The following SPACA7 variants were observed in gnomAD, a reference collection of about 807,000 sequenced individuals.
SPACA7 encodes sperm acrosome-associated protein 7.
SPACA7 carries 19 observed loss-of-function variants against 26.3 expected under a neutral mutation model. The observed-to-expected ratio is 0.72, with a 90% CI of 0.50 to 1.06. The LOEUF (loss-of-function observed/expected upper bound fraction) is 1.06. SPACA7 is among the 50% of genes least tolerant of loss of function. SPACA7 has a pLI of 0.00. For missense variants in SPACA7, 211 were observed against 229.9 expected (o/e 0.92, Z 0.53); for synonymous variants, 84 against 84.5 (o/e 0.99, Z 0.04).
At chr13:112,411,407 A>G (rs187551637) in intron 5 of SPACA7, among the ~76,000 whole-genome samples, 2 of 152,266 alleles carry the variant, frequency 1.3e-5, no homozygotes, top group Admixed American at 6.5e-5. Flanking sequence ...TGAGATGTCC[A>G]CCACCTCAAT....
rs1057480190 is a variant in SPACA7, at chr13:112,434,654, C to A, written c.*105C>A. ...TGTGCACACGCCCACGTTCTCTGAACCATTCCACATAAAGGAAAATCGTTT... is the reference window on the plus strand; with the variant it reads ...TGTGCACACGCCCACGTTCTCTGAAACATTCCACATAAAGGAAAATCGTTT... On this transcript the variant is annotated 3_prime_UTR_variant, in exon 7 of 7. Coordinates refer to ENST00000283550, the MANE Select transcript of SPACA7 (RefSeq NM_145248.5). 4.5e-6 allele frequency: 4 copies of A among 888,494 alleles called. No homozygotes were observed. In the African/African-American group the frequency reaches 5.0e-5, roughly 11 times the overall value. 55.0% of individuals were successfully genotyped at this position (888,494 alleles called of 1,614,324 possible).
In SPACA7 at chr13:112,434,505, C is replaced by T. The variant is rs761340064; in HGVS notation, c.544C>T (p.Gln182Ter). 6.2e-7 allele frequency: 1 copy of T among 1,610,586 alleles called. No individual in the cohort carries two copies. The highest frequency in any genetic ancestry group is 2.2e-5 in the East Asian group (1 of 44,756). The part of the protein sequence containing the change: ...RSSGNIFHKE[Q>*]QRTSAQRRSQ... Reference sequence around the variant, plus strand: ...CACAGGAAACATTTTCCATAAAGAGCAGCAGAGGACCAGCGCACAGAGGAG... The same window carrying T: ...CACAGGAAACATTTTCCATAAAGAGTAGCAGAGGACCAGCGCACAGAGGAG... Residue 182 changes from glutamine to a stop codon, truncating the protein, a stop_gained, in exon 7 of 7, where the codon CAG becomes TAG. Coordinates refer to ENST00000283550, the MANE Select transcript of SPACA7 (RefSeq NM_145248.5). LOFTEE classifies it low-confidence loss of function (END_TRUNC).
intron 4 of SPACA7, among the ~76,000 whole-genome samples, chr13:112,399,611 T>C (rs1174014913): frequency 6.6e-6 from 1 of 152,020 alleles, no homozygotes; most frequent in Non-Finnish European, 1.5e-5. Flanking sequence ...GGGAAAAAAA[T>C]CAGTGTGCAA....
chr13:112,421,730 C>T (rs1876002122), intron 5 of SPACA7, among the ~76,000 whole-genome samples: 1 of 152,050 alleles, frequency 6.6e-6, no homozygotes, highest in African/African-American at 2.4e-5. Flanking sequence ...CATTGAGAGA[C>T]TGGATAAAGA....
chr13:112,410,021 G>A (rs1410833148), intron 5 of SPACA7, among the ~76,000 whole-genome samples: 1 of 152,114 alleles, frequency 6.6e-6, no homozygotes, highest in Non-Finnish European at 1.5e-5. Context: ...ATACACCATG[G>A]AATACTATGC....
intron 5 of SPACA7, among the ~76,000 whole-genome samples, chr13:112,402,240 G>A (rs1006351110): frequency 6.6e-6 from 1 of 152,112 alleles, no homozygotes; most frequent in African/African-American, 2.4e-5. Flanking sequence ...AGTCTTCCTT[G>A]TATAGGTGTT....
intron 5 of SPACA7, among the ~76,000 whole-genome samples, chr13:112,431,563 C>T (rs9577752): frequency 0.056 from 8,528 of 152,160 alleles, 521 homozygotes; most frequent in East Asian, 0.27. Flanking sequence ...GCTAGGTGCT[C>T]GGCAGATATA....
intron 2 of SPACA7, among the ~76,000 whole-genome samples, chr13:112,393,815 G>A (rs372169189): frequency 1.3e-5 from 2 of 152,030 alleles, no homozygotes; most frequent in African/African-American, 4.8e-5. Flanking sequence ...GTGAAACCCC[G>A]CCTCTACTAA....
chr13:112,410,824 C>T (rs796289539), intron 5 of SPACA7, among the ~76,000 whole-genome samples: 29 of 152,260 alleles, frequency 1.9e-4, no homozygotes, highest in African/African-American at 7.0e-4. Flanking sequence ...TAACTGAAAG[C>T]AGGGTTTTGA....
At position 112,382,392 on chromosome 13, in the gene SPACA7, C is replaced by G. The variant is rs560664470; in HGVS notation, c.94+5913C>G. 62 of 1,539,714 alleles carry G rather than the reference C, an allele frequency of 4.0e-5. No individual in the cohort carries two copies. The African/African-American group carries it at 6.9e-4, about 17-fold the overall frequency. The stretch of plus-strand genomic sequence containing the variant: ...GGACTACAGGCATGAGCCACCGTGC[C>G]TGGCCAATAACACCTTAATCTTCAG... On this transcript the variant is annotated intron_variant, in intron 1 of 6. Coordinates refer to ENST00000283550, the MANE Select transcript of SPACA7 (RefSeq NM_145248.5).
chr13:112,424,293 G>A (rs368360329), intron 5 of SPACA7, among the ~76,000 whole-genome samples: 9 of 152,182 alleles, frequency 5.9e-5, no homozygotes, highest in Admixed American at 1.3e-4. Context: ...TGTCACTGCC[G>A]TCATTTCAAT....
intron 1 of SPACA7, among the ~76,000 whole-genome samples, chr13:112,379,202 A>G (rs1216008971): frequency 6.6e-6 from 1 of 152,202 alleles, no homozygotes; most frequent in Non-Finnish European, 1.5e-5. Flanking sequence ...AAATCCGTCA[A>G]TGTCTCCCTG....
chr13:112,399,109 T>G lies in SPACA7; in HGVS notation c.285T>G (p.Asn95Lys). Residue 95 changes from asparagine (N) to lysine (K), a missense_variant, in exon 4 of 7, where the codon AAT (asparagine) becomes AAG (lysine). Transcript: ENST00000283550. ...DENYQAGGSENYHELLENLQF... is the reference protein window; with the variant it reads ...DENYQAGGSEKYHELLENLQF... ...ATTATCAAGCTGGTGGTTCTGAGAA[T>G]TACCATGAATTATTAGAGAATTTAC... 6.2e-7 allele frequency: 1 copy of G among 1,611,166 alleles called. No individual in the cohort carries two copies. The highest frequency in any genetic ancestry group is 8.5e-7 in the Non-Finnish European group (1 of 1,177,604).
intron 1 of SPACA7, among the ~76,000 whole-genome samples, chr13:112,383,401 T>G (rs553553294): frequency 6.6e-6 from 1 of 152,298 alleles, no homozygotes; most frequent in African/African-American, 2.4e-5. Flanking sequence ...GAAAAACAAA[T>G]CATGATAGAA....
At chr13:112,385,547 C>T (rs914532177) in intron 1 of SPACA7, among the ~76,000 whole-genome samples, 3 of 152,142 alleles carry the variant, frequency 2.0e-5, no homozygotes, top group African/African-American at 7.2e-5. Context: ...CCACATGTCT[C>T]CAGGCCTTAT....
rs578005900 is a variant in SPACA7 at position 112,423,925 on chromosome 13, T to C, written c.446-8519T>C. Among the ~76,000 whole-genome samples the C allele has an allele frequency of 1.7e-4, 26 of 152,318 alleles. No homozygotes were observed. In the South Asian group the frequency reaches 5.4e-3, roughly 32 times the overall value. Reference sequence around the variant, plus strand: ...TCTTCAAACGATTTTTTTAAAAGCATGGCTATCAATGTAGAATTCCATACC... The same window carrying C: ...TCTTCAAACGATTTTTTTAAAAGCACGGCTATCAATGTAGAATTCCATACC... On this transcript the variant is annotated intron_variant, in intron 5 of 6. Coordinates refer to ENST00000283550, the MANE Select transcript of SPACA7 (RefSeq NM_145248.5).
At chr13:112,432,400 T>C (rs776085177) in intron 5 of SPACA7, 44 bp from the exon 6 acceptor site, 9 of 1,471,384 alleles carry the variant, frequency 6.1e-6, no homozygotes, top group Non-Finnish European at 8.6e-6. Flanking sequence ...CATGCCTTAA[T>C]TATTTACAAA....
intron 5 of SPACA7, among the ~76,000 whole-genome samples, chr13:112,423,558 A>G (rs983705796): frequency 9.2e-5 from 14 of 152,220 alleles, no homozygotes; most frequent in Admixed American, 3.3e-4. Context: ...AGGCATAAAG[A>G]GCTATAAAAC....
At position 112,434,593 on chromosome 13, in the gene SPACA7, A is replaced by G. The variant is rs1408025811; in HGVS notation, c.*44A>G. On this transcript the variant is annotated 3_prime_UTR_variant, in exon 7 of 7. Coordinates refer to ENST00000283550, the MANE Select transcript of SPACA7 (RefSeq NM_145248.5). The stretch of plus-strand genomic sequence containing the variant: ...CCTGCGCAGGAGAGGAGCCTGCTAG[A>G]ACCCCCACCCACCAGCCTCCGGAAC... The G allele has an allele frequency of 3.3e-6, 5 of 1,508,310 alleles. No homozygotes were observed. Among genetic ancestry groups the G allele is most frequent in the South Asian group, 1.2e-5 (1 of 84,190 alleles). 93.4% of individuals were successfully genotyped at this position (1,508,310 alleles called of 1,614,324 possible).
Sources: gnomAD v4.1 joint callset for allele counts (sites outside exome capture counted in the v4.1 genomes callset) on GRCh38, gnomAD v4.1.1 for gene constraint, MANE v1.5 for transcripts, NCBI Gene and HGNC (gene_info 2026-07-23, HGNC 2026-07-21) for gene names.